EFNA5: variants seen among roughly 807,000 people sequenced by gnomAD.
EFNA5 encodes the protein ephrin-A5.
In EFNA5, 5 loss-of-function variants were observed where a neutral mutation model predicts 22.9. The ratio of observed to expected loss-of-function variants is 0.22; its 90% CI spans 0.11 to 0.46. The LOEUF (loss-of-function observed/expected upper bound fraction) is 0.46, where lower values mean the gene tolerates loss of function less well. EFNA5 is among the 20% of genes least tolerant of loss of function. EFNA5 has a pLI of 0.99. For missense variants in EFNA5, 237 were observed against 293.3 expected (o/e 0.81, Z 1.40); for synonymous variants, 113 against 112.2 (o/e 1.01, Z -0.04).
intron 1 of EFNA5, among the ~76,000 whole-genome samples, chr5:107,529,340 G>C (rs1462365371): frequency 6.6e-6 from 1 of 152,086 alleles, no homozygotes; most frequent in Non-Finnish European, 1.5e-5. Context: ...GTTAATGTCT[G>C]TACTAGATTC....
intron 1 of EFNA5, among the ~76,000 whole-genome samples, chr5:107,590,495 CCTT>C (rs1347846075): frequency 6.6e-6 from 1 of 151,974 alleles, no homozygotes; most frequent in Non-Finnish European, 1.5e-5. Context: ...CTCAAGTAAT[CCTT>C]CTGCCTCAGC....
At chr5:107,662,041 G>T (rs1750973343) in intron 1 of EFNA5, among the ~76,000 whole-genome samples, 1 of 151,924 alleles carries the variant, frequency 6.6e-6, no homozygotes, top group Non-Finnish European at 1.5e-5. Flanking sequence ...AACTCTGACA[G>T]CTTGGAAACA....
At chr5:107,622,532 C>T (rs1750056671) in intron 1 of EFNA5, among the ~76,000 whole-genome samples, 1 of 152,106 alleles carries the variant, frequency 6.6e-6, no homozygotes, top group Non-Finnish European at 1.5e-5. Flanking sequence ...ATAACTAGTA[C>T]TAAAAGGGTA....
chr5:107,482,148 T>C (rs903555878), intron 1 of EFNA5, among the ~76,000 whole-genome samples: 1 of 151,752 alleles, frequency 6.6e-6, no homozygotes, highest in Admixed American at 6.6e-5. Flanking sequence ...TTACTAAAAA[T>C]ACAAAAAATT....
intron 1 of EFNA5, among the ~76,000 whole-genome samples, chr5:107,596,438 A>G (rs771643351): frequency 1.3e-5 from 2 of 152,158 alleles, no homozygotes; most frequent in Non-Finnish European, 2.9e-5. Context: ...AGCATATGAC[A>G]GGATTTCTTT....
intron 4 of EFNA5, among the ~76,000 whole-genome samples, chr5:107,381,591 T>A (rs1747463499): frequency 6.6e-6 from 1 of 152,220 alleles, no homozygotes; most frequent in Admixed American, 6.5e-5. Context: ...ATTAATACTT[T>A]CCTTAAAAAT....
chr5:107,391,812 T>G (rs1443534558), intron 2 of EFNA5, among the ~76,000 whole-genome samples: 1 of 152,172 alleles, frequency 6.6e-6, no homozygotes, highest in African/African-American at 2.4e-5. Flanking sequence ...TCAAAACCTT[T>G]TAACACATAA....
intron 1 of EFNA5, among the ~76,000 whole-genome samples, chr5:107,588,474 A>C (rs1309557497): frequency 6.6e-6 from 1 of 152,210 alleles, no homozygotes; most frequent in Non-Finnish European, 1.5e-5. Context: ...TGTTTACAGG[A>C]AAGTGAGTTT....
chr5:107,488,135 C>T (rs980232960), intron 1 of EFNA5, among the ~76,000 whole-genome samples: 7 of 152,166 alleles, frequency 4.6e-5, no homozygotes, highest in African/African-American at 1.2e-4. Flanking sequence ...TCAGGGAGTA[C>T]ATGAGTCCCA....
intron 1 of EFNA5, among the ~76,000 whole-genome samples, chr5:107,494,724 A>G (rs1746926618): frequency 6.6e-6 from 1 of 152,158 alleles, no homozygotes; most frequent in Non-Finnish European, 1.5e-5. Context: ...TATACCAATC[A>G]GCACTCTGTA....
intron 1 of EFNA5, among the ~76,000 whole-genome samples, chr5:107,537,892 G>T (rs527668708): frequency 6.6e-6 from 1 of 152,182 alleles, no homozygotes; most frequent in African/African-American, 2.4e-5. Flanking sequence ...AAAGAAGCCA[G>T]ATACACACAA....
intron 1 of EFNA5, among the ~76,000 whole-genome samples, chr5:107,525,884 T>C (rs568446880): frequency 5.3e-5 from 8 of 152,336 alleles, no homozygotes; most frequent in African/African-American, 1.7e-4. Context: ...CGGTCAAGTG[T>C]CAATTTTACT....
At chr5:107,532,560 C>T (rs918923067) in intron 1 of EFNA5, among the ~76,000 whole-genome samples, 6 of 152,036 alleles carry the variant, frequency 3.9e-5, no homozygotes, top group Admixed American at 1.3e-4. Flanking sequence ...CAATGTGGGA[C>T]GGAAGAAGCA....
intron 2 of EFNA5, among the ~76,000 whole-genome samples, chr5:107,415,524 C>G (rs993651475): frequency 6.6e-6 from 1 of 152,114 alleles, no homozygotes; most frequent in East Asian, 1.9e-4. Context: ...AAGAAATCCA[C>G]GTGAGCGGTG....
chr5:107,532,609 T>C (rs888613560), intron 1 of EFNA5, among the ~76,000 whole-genome samples: 8 of 152,216 alleles, frequency 5.3e-5, no homozygotes, highest in Non-Finnish European at 1.0e-4. Context: ...ATATTGAAGG[T>C]ATTTAGAAAG....
At chr5:107,509,057 T>C (rs1354523145) in intron 1 of EFNA5, among the ~76,000 whole-genome samples, 1 of 152,248 alleles carries the variant, frequency 6.6e-6, no homozygotes, top group African/African-American at 2.4e-5. Context: ...CAAAGTGCTA[T>C]TCCTATAAAT....
chr5:107,509,621 A>G (rs1299621129), intron 1 of EFNA5, among the ~76,000 whole-genome samples: 1 of 151,492 alleles, frequency 6.6e-6, no homozygotes, highest in Admixed American at 6.6e-5. Flanking sequence ...ATGAGCCACC[A>G]CACCCGGCCT....
intron 1 of EFNA5, among the ~76,000 whole-genome samples, chr5:107,507,973 G>A (rs1747286731): frequency 6.6e-6 from 1 of 152,120 alleles, no homozygotes; most frequent in South Asian, 2.1e-4. Flanking sequence ...AGGACAAGGT[G>A]GGATCTAACC....
intron 1 of EFNA5, among the ~76,000 whole-genome samples, chr5:107,636,653 G>C (rs927080246): frequency 1.3e-5 from 2 of 152,278 alleles, no homozygotes; most frequent in Non-Finnish European, 1.5e-5. Context: ...AATATCTTAT[G>C]CAGTTTTTCT....
Sources: gnomAD v4.1 joint callset for allele counts (sites outside exome capture counted in the v4.1 genomes callset) on GRCh38, gnomAD v4.1.1 for gene constraint, MANE v1.5 for transcripts, NCBI Gene and HGNC (gene_info 2026-07-23, HGNC 2026-07-21) for gene names.